The following SLC35D4 variants were observed in gnomAD, a reference collection of about 807,000 sequenced individuals.
SLC35D4 encodes the protein solute carrier family 35 member D4, also known as UDP-N-acetylglucosamine transporter SLC35D4.
the SLC35D4 span, among the ~76,000 whole-genome samples, chr18:23,357,164 T>G: frequency 6.6e-6 from 1 of 152,018 alleles, no homozygotes; most frequent in Non-Finnish European, 1.5e-5. Flanking sequence ...CTGCCTTATA[T>G]CTAAAAAAAG....
At chr18:23,422,011 C>A in the SLC35D4 span, among the ~76,000 whole-genome samples, 2 of 151,974 alleles carry the variant, frequency 1.3e-5, no homozygotes, top group East Asian at 1.9e-4. Context: ...TCCTGAACAG[C>A]CTCACTCATA....
chr18:23,244,040 C>A, the SLC35D4 span, among the ~76,000 whole-genome samples: 1 of 152,184 alleles, frequency 6.6e-6, no homozygotes, highest in Non-Finnish European at 1.5e-5. Flanking sequence ...GTATTTGTCT[C>A]GGATTTTTGA....
the SLC35D4 span, among the ~76,000 whole-genome samples, chr18:23,372,232 A>G: frequency 2.4e-4 from 37 of 152,160 alleles, no homozygotes; most frequent in East Asian, 4.8e-3. Flanking sequence ...CACCGCGCCC[A>G]GCCCCTTATT....
the SLC35D4 span, among the ~76,000 whole-genome samples, chr18:23,363,381 T>G: frequency 1.2e-4 from 14 of 118,830 alleles, no homozygotes; most frequent in African/African-American, 4.6e-4. Flanking sequence ...TTTTTTTTTT[T>G]TTTTTTTTTT....
chr18:23,387,393 G>A, the SLC35D4 span, among the ~76,000 whole-genome samples: 17 of 152,270 alleles, frequency 1.1e-4, no homozygotes, highest in Non-Finnish European at 1.9e-4. Context: ...ATAGCCTGGA[G>A]CTGCCAAGAG....
chr18:23,283,348 G>A, the SLC35D4 span, among the ~76,000 whole-genome samples: 53 of 151,678 alleles, frequency 3.5e-4, no homozygotes, highest in Non-Finnish European at 5.9e-4. Context: ...AGGCATGGTG[G>A]TGCATGTCCC....
At chr18:23,289,847 C>G in the SLC35D4 span, among the ~76,000 whole-genome samples, 46 of 152,262 alleles carry the variant, frequency 3.0e-4, no homozygotes, top group Non-Finnish European at 5.7e-4. Context: ...CTACTGAGCA[C>G]CTTGTGACCC....
chr18:23,297,142 T>A, the SLC35D4 span: 3 of 152,238 alleles, frequency 2.0e-5, no homozygotes, highest in Non-Finnish European at 4.4e-5. Context: ...TGTGAGGTAA[T>A]GCATTTGTGA....
the SLC35D4 span, among the ~76,000 whole-genome samples, chr18:23,401,540 TC>T: frequency 6.6e-6 from 1 of 152,208 alleles, no homozygotes; most frequent in Admixed American, 6.5e-5. Context: ...AAGTGGCTTT[TC>T]CCACTTGACA....
the SLC35D4 span, among the ~76,000 whole-genome samples, chr18:23,435,219 A>C: frequency 6.8e-6 from 1 of 147,466 alleles, no homozygotes; most frequent in Non-Finnish European, 1.5e-5. Context: ...GAGGGGCATA[A>C]ATTTCTATGA....
At chr18:23,351,246 A>C in the SLC35D4 span, among the ~76,000 whole-genome samples, 1 of 152,074 alleles carries the variant, frequency 6.6e-6, no homozygotes, top group Non-Finnish European at 1.5e-5. Context: ...ATCTTTACTA[A>C]AAATACAAAA....
chr18:23,397,120 C>T, the SLC35D4 span, among the ~76,000 whole-genome samples: 15 of 152,210 alleles, frequency 9.9e-5, no homozygotes, highest in Non-Finnish European at 1.5e-4. Context: ...GGGTAAAGCA[C>T]TCCAACATTG....
the SLC35D4 span, among the ~76,000 whole-genome samples, chr18:23,303,989 G>A: frequency 2.6e-5 from 4 of 151,198 alleles, no homozygotes; most frequent in South Asian, 4.2e-4. Flanking sequence ...GCTGAGGCTG[G>A]AGGACTGCTT....
chr18:23,403,070 C>A, the SLC35D4 span, among the ~76,000 whole-genome samples: 1 of 152,280 alleles, frequency 6.6e-6, no homozygotes, highest in East Asian at 1.9e-4. Flanking sequence ...CGTGCCACTG[C>A]ACTCTAGCCT....
At chr18:23,270,452 C>A in the SLC35D4 span, among the ~76,000 whole-genome samples, 1 of 152,196 alleles carries the variant, frequency 6.6e-6, no homozygotes, top group East Asian at 1.9e-4. Context: ...TTGGAGCCCC[C>A]ACACAGAGTC....
At chr18:23,386,963 G>C in the SLC35D4 span, among the ~76,000 whole-genome samples, 1 of 152,276 alleles carries the variant, frequency 6.6e-6, no homozygotes, top group African/African-American at 2.4e-5. Flanking sequence ...GGGCTGGAGC[G>C]CAGTGGTGCC....
the SLC35D4 span, among the ~76,000 whole-genome samples, chr18:23,357,416 T>C: frequency 6.6e-6 from 1 of 152,164 alleles, no homozygotes. Flanking sequence ...AGTCAGGAGA[T>C]TAAAAAAGCA....
At chr18:23,294,651 T>G in the SLC35D4 span, among the ~76,000 whole-genome samples, 1 of 151,950 alleles carries the variant, frequency 6.6e-6, no homozygotes, top group East Asian at 1.9e-4. Flanking sequence ...CCCAGGCACT[T>G]GGGAGGCTGG....
chr18:23,398,581 T>C, the SLC35D4 span, among the ~76,000 whole-genome samples: 10 of 152,266 alleles, frequency 6.6e-5, no homozygotes, highest in South Asian at 2.1e-3. Flanking sequence ...TTCTTCCCCA[T>C]TGCATATATC....
Sources: gnomAD v4.1 joint callset for allele counts (sites outside exome capture counted in the v4.1 genomes callset) on GRCh38, gnomAD v4.1.1 for gene constraint, MANE v1.5 for transcripts, NCBI Gene and HGNC (gene_info 2026-07-23, HGNC 2026-07-21) for gene names.